The following MBOAT2 variants were observed in gnomAD, a reference collection of about 807,000 sequenced individuals.
The protein encoded by MBOAT2 is membrane bound glycerophospholipid O-acyltransferase 2, also known as membrane-bound glycerophospholipid O-acyltransferase 2.
Under a neutral mutation model 63.4 loss-of-function variants are expected in MBOAT2, and 28 were observed. The observed-to-expected ratio is 0.44, with a 90% CI of 0.33 to 0.61. MBOAT2 has a LOEUF of 0.61. Ranked by LOEUF, MBOAT2 falls within the 20% of genes least tolerant of loss-of-function variation. The pLI, the probability that MBOAT2 is intolerant of heterozygous loss-of-function variation, is 0.03. For missense variants in MBOAT2, 470 were observed against 605.8 expected (o/e 0.78, Z 2.35); for synonymous variants, 211 against 215.6 (o/e 0.98, Z 0.19).
intron 1 of MBOAT2, among the ~76,000 whole-genome samples, chr2:8,995,101 G>A (rs983878382): frequency 1.5e-4 from 23 of 152,202 alleles, no homozygotes; most frequent in Admixed American, 1.3e-3. Flanking sequence ...CCATCAGACA[G>A]AGACTTTCAA....
At chr2:8,971,769 T>G (rs1314756810) in intron 1 of MBOAT2, among the ~76,000 whole-genome samples, 1 of 152,142 alleles carries the variant, frequency 6.6e-6, no homozygotes, top group Admixed American at 6.5e-5. Flanking sequence ...CATTCACAAT[T>G]GCTTCAAAGA....
chr2:8,879,413 A>T (rs1282031279), intron 6 of MBOAT2, among the ~76,000 whole-genome samples: 1 of 152,246 alleles, frequency 6.6e-6, no homozygotes, highest in Admixed American at 6.5e-5. Flanking sequence ...CATATCAAAC[A>T]ACAAGTCATT....
intron 3 of MBOAT2, among the ~76,000 whole-genome samples, chr2:8,942,297 G>A (rs955570407): frequency 3.9e-5 from 6 of 152,186 alleles, no homozygotes; most frequent in Non-Finnish European, 8.8e-5. Flanking sequence ...CAAAGTTCTT[G>A]CAGACATATG....
intron 1 of MBOAT2, among the ~76,000 whole-genome samples, chr2:8,969,820 C>T (rs575355738): frequency 2.0e-3 from 309 of 152,324 alleles, no homozygotes; most frequent in Middle Eastern, 6.8e-3. Context: ...GAAGAGCTAA[C>T]TATCCTAAAT....
chr2:8,926,003 G>A (rs1315111638), intron 3 of MBOAT2, among the ~76,000 whole-genome samples: 1 of 152,178 alleles, frequency 6.6e-6, no homozygotes, highest in Admixed American at 6.5e-5. Flanking sequence ...GTGTAGAGAG[G>A]GTAAGTAACT....
intron 4 of MBOAT2, among the ~76,000 whole-genome samples, chr2:8,903,245 C>T (rs1335023337): frequency 2.6e-5 from 4 of 152,228 alleles, no homozygotes; most frequent in African/African-American, 9.6e-5. Flanking sequence ...CTGGCTTCAC[C>T]TCTCAAGATC....
chr2:8,929,437 G>A (rs1329577284), intron 3 of MBOAT2, among the ~76,000 whole-genome samples: 6 of 152,080 alleles, frequency 3.9e-5, no homozygotes, highest in Admixed American at 3.9e-4. Context: ...CTGCAGCCTC[G>A]ACCTCCTAGG....
Position 9,003,615 on chromosome 2 carries a change from G to T in MBOAT2, c.-1C>A. 1 of 1,186,674 alleles carries T rather than the reference G, an allele frequency of 8.4e-7. No individual in the cohort carries two copies. Among genetic ancestry groups the T allele is most frequent in the Non-Finnish European group, 1.0e-6 (1 of 958,704 alleles). 73.5% of individuals were successfully genotyped at this position (1,186,674 alleles called of 1,614,324 possible). ...AGCCCGTGGTGCTGGTGGTGGCCAT[G>T]GCCGGGCCTCGGCGCTCCGGCCGCC... On this transcript the variant is annotated 5_prime_UTR_variant, in exon 1 of 13. Coordinates refer to ENST00000305997, the MANE Select transcript of MBOAT2 (RefSeq NM_138799.4). The surrounding 1 kb of genome is among the most constrained non-coding windows in gnomAD (Gnocchi z 5.4).
At chr2:8,933,292 A>G (rs1434047290) in intron 3 of MBOAT2, among the ~76,000 whole-genome samples, 2 of 152,232 alleles carry the variant, frequency 1.3e-5, no homozygotes, top group Non-Finnish European at 2.9e-5. Flanking sequence ...TCAGTAATAT[A>G]TAATTATTTT....
At position 8,863,357 on chromosome 2, in the gene MBOAT2, G is replaced by A. The variant is rs148268933; in HGVS notation, c.1053-635C>T. Among the ~76,000 whole-genome samples the A allele has an allele frequency of 1.8e-4, 27 of 152,268 alleles. No individual in the cohort carries two copies. In the East Asian group the frequency reaches 3.9e-3, roughly 22 times the overall value. On this transcript the variant is annotated intron_variant, in intron 10 of 12. Coordinates refer to ENST00000305997, the MANE Select transcript of MBOAT2 (RefSeq NM_138799.4). ...AAAAAGGACACTATAAAAAAAGGCT[G>A]CTTATCACCGTATCGTTATAGGGGC...
intron 3 of MBOAT2, among the ~76,000 whole-genome samples, chr2:8,935,683 C>G (rs1012633931): frequency 6.6e-6 from 1 of 152,202 alleles, no homozygotes; most frequent in Non-Finnish European, 1.5e-5. Flanking sequence ...ATGCAGGTAC[C>G]CTGCTCCTCA....
rs558056358 is a variant in MBOAT2 at position 8,858,556 on chromosome 2, T to C, written c.*123A>G. The C allele has an allele frequency of 5.7e-6, 4 of 695,956 alleles. No homozygotes were observed. The highest frequency in any genetic ancestry group is 5.4e-5 in the African/African-American group (3 of 55,826). The allele number at this position is 695,956 out of a possible 1,614,324, so 43.1% of individuals were successfully genotyped here. On this transcript the variant is annotated 3_prime_UTR_variant, in exon 13 of 13. Coordinates refer to ENST00000305997, the MANE Select transcript of MBOAT2 (RefSeq NM_138799.4). ...AATCTGGTGTACAGGAAATTCCTTA[T>C]CTATAACTGTCCATTTCCCCCCAGT...
At chr2:8,922,380 T>C (rs1470668413) in intron 3 of MBOAT2, among the ~76,000 whole-genome samples, 2 of 152,228 alleles carry the variant, frequency 1.3e-5, no homozygotes, top group Admixed American at 6.5e-5. Flanking sequence ...TCCTCGTTTC[T>C]CTTAATTTTT....
chr2:8,870,468 G>A (rs1662228428), intron 8 of MBOAT2, among the ~76,000 whole-genome samples: 1 of 152,134 alleles, frequency 6.6e-6, no homozygotes, highest in Non-Finnish European at 1.5e-5. Flanking sequence ...CAAAAACAAA[G>A]TTAAAGAATT....
At chr2:8,964,304 G>A (rs954627511) in intron 1 of MBOAT2, among the ~76,000 whole-genome samples, 31 of 151,092 alleles carry the variant, frequency 2.1e-4, no homozygotes, top group African/African-American at 6.6e-4. Flanking sequence ...GTAAAACTGA[G>A]CGTAAGCTTC....
intron 4 of MBOAT2, among the ~76,000 whole-genome samples, chr2:8,896,139 T>C (rs1664449210): frequency 6.7e-6 from 1 of 148,626 alleles, no homozygotes; most frequent in South Asian, 2.1e-4. Flanking sequence ...CTCAGGAGGC[T>C]GAGGCAGAAG....
intron 3 of MBOAT2, among the ~76,000 whole-genome samples, chr2:8,914,930 A>ATTT (rs1487888566): frequency 8.5e-6 from 1 of 118,330 alleles, no homozygotes. Context: ...ACTACTGGAA[A>ATTT]TTTCTTTTTT....
rs1664986564 is a variant in MBOAT2 at position 8,902,103 on chromosome 2, T to C, written c.395+6518A>G. 2.6e-5 allele frequency among the ~76,000 whole-genome samples: 4 copies of C among 152,174 alleles called. No individual in the cohort carries two copies. In the South Asian group the frequency reaches 8.3e-4, roughly 32 times the overall value. On this transcript the variant is annotated intron_variant, in intron 4 of 12. Transcript: ENST00000305997. ...CCAGAGGTACAGGAAAAGTGGAAGC[T>C]GGTTCCAGGCAAACCAACGCTCCCA...
At chr2:8,886,247 G>T (rs1663540578) in intron 5 of MBOAT2, among the ~76,000 whole-genome samples, 1 of 152,230 alleles carries the variant, frequency 6.6e-6, no homozygotes. Context: ...ACTCCCCTGG[G>T]AGAGGACTTC....
Sources: gnomAD v4.1 joint callset for allele counts (sites outside exome capture counted in the v4.1 genomes callset) on GRCh38, gnomAD v4.1.1 for gene constraint, Gnocchi (gnomAD v3.1) non-coding constraint, MANE v1.5 for transcripts, NCBI Gene and HGNC (gene_info 2026-07-23, HGNC 2026-07-21) for gene names.